The following CCDC50 variants were observed in gnomAD, a reference collection of about 807,000 sequenced individuals.
CCDC50 encodes coiled-coil domain containing 50.
Under a neutral mutation model 70.2 loss-of-function variants are expected in CCDC50, and 54 were observed. The observed-to-expected ratio is 0.77, with a 90% CI of 0.62 to 0.96. The LOEUF is 0.96. Among genes scored for constraint, CCDC50 ranks in the 50% least tolerant of loss-of-function variants. The pLI is 0.00. For synonymous variants in CCDC50, 216 were observed against 198.8 expected (o/e 1.09, Z -0.73); for missense variants, 558 against 578.7 (o/e 0.96, Z 0.37).
intron 10 of CCDC50, among the ~76,000 whole-genome samples, chr3:191,385,437 T>C (rs1483589657): frequency 1.3e-5 from 2 of 152,214 alleles, no homozygotes; most frequent in African/African-American, 4.8e-5. Flanking sequence ...TTCATGTTTT[T>C]TGGCTGCTTG....
At chr3:191,357,303 G>A (rs1560161550) in intron 2 of CCDC50, among the ~76,000 whole-genome samples, 153 bp downstream of exon 2, 3 of 152,114 alleles carry the variant, frequency 2.0e-5, no homozygotes, top group Non-Finnish European at 4.4e-5. Flanking sequence ...ATGATGCCTG[G>A]GTGATCAGTG....
chr3:191,377,671 C>CT (rs1713163122), intron 6 of CCDC50, among the ~76,000 whole-genome samples: 1 of 152,130 alleles, frequency 6.6e-6, no homozygotes, highest in African/African-American at 2.4e-5. Context: ...CAAAAAGAAT[C>CT]TATCATTTTA....
chr3:191,373,173 A>G (rs1026011692), intron 5 of CCDC50, among the ~76,000 whole-genome samples: 3 of 151,996 alleles, frequency 2.0e-5, no homozygotes, highest in African/African-American at 7.2e-5. Context: ...ATATTTGCCA[A>G]ATAACTTGGT....
intron 1 of CCDC50, among the ~76,000 whole-genome samples, chr3:191,343,203 C>G (rs1363116921): frequency 2.0e-5 from 3 of 152,028 alleles, no homozygotes; most frequent in Non-Finnish European, 4.4e-5. Context: ...TCACGTATAC[C>G]CAGGGATGAC....
chr3:191,353,167 A>G (rs765845708), intron 1 of CCDC50, among the ~76,000 whole-genome samples: 3 of 142,212 alleles, frequency 2.1e-5, no homozygotes, highest in Non-Finnish European at 4.8e-5. Context: ...TTAATGTTCA[A>G]AAGAGACTTA....
rs1713831602 is a variant in CCDC50, at chr3:191,395,444, A to AT, written c.*3690dup. 6.6e-6 allele frequency: 1 copy of AT among 152,142 alleles called. No individual in the cohort carries two copies. The highest frequency in any genetic ancestry group is 2.1e-4 in the South Asian group (1 of 4,830). 9.4% of individuals were successfully genotyped at this position (152,142 alleles called of 1,614,324 possible). A position where few individuals can be genotyped will look rare whatever the true frequency, so the allele number is the denominator to read the frequency against. The stretch of plus-strand genomic sequence containing the variant: ...AAGTGGTTAACATTTTAAGTCCTAG[A>AT]TTTTTTATGTCTTGCCTTTGTATAA... On this transcript the variant is annotated 3_prime_UTR_variant, in exon 12 of 12. Coordinates refer to ENST00000392455, the MANE Select transcript of CCDC50 (RefSeq NM_178335.3).
intron 5 of CCDC50, among the ~76,000 whole-genome samples, chr3:191,370,487 T>G (rs905740954): frequency 1.7e-4 from 13 of 74,870 alleles, no homozygotes; most frequent in Non-Finnish European, 2.9e-4. Flanking sequence ...TGTTTTTTTG[T>G]TTTTTTTTTT....
At chr3:191,364,129 C>T (rs895814075) in intron 4 of CCDC50, among the ~76,000 whole-genome samples, 10 of 150,894 alleles carry the variant, frequency 6.6e-5, no homozygotes, top group Admixed American at 2.6e-4. Flanking sequence ...AGTATAGTGG[C>T]GCAATCTTCG....
chr3:191,348,056 T>C lies in CCDC50; in HGVS notation c.50-9032T>C, dbSNP rs1262201616. Among the ~76,000 whole-genome samples the C allele has an allele frequency of 2.1e-5, 3 of 142,284 alleles. 1 individual carries two copies. Among genetic ancestry groups the C allele is most frequent in the African/African-American group, 7.5e-5 (3 of 39,822 alleles). 93.3% of individuals were successfully genotyped at this position (142,284 alleles called of 152,430 possible). ...ACATGAGTAAAAATTTTTAATGATA[T>C]AATTAGTGCTACAGTTCTATCCTGT... On this transcript the variant is annotated intron_variant, in intron 1 of 11. Coordinates refer to ENST00000392455, the MANE Select transcript of CCDC50 (RefSeq NM_178335.3).
At chr3:191,386,512 A>T (rs1424870681) in intron 10 of CCDC50, among the ~76,000 whole-genome samples, 1 of 152,138 alleles carries the variant, frequency 6.6e-6, no homozygotes, top group Non-Finnish European at 1.5e-5. Context: ...GGCGTGAGCC[A>T]CCGCGCCTGA....
intron 3 of CCDC50, among the ~76,000 whole-genome samples, chr3:191,359,602 A>C (rs1023944044): frequency 6.6e-6 from 1 of 152,142 alleles, no homozygotes; most frequent in Non-Finnish European, 1.5e-5. Context: ...TGGTCAAATT[A>C]AGAGATGGTG....
At chr3:191,347,701 G>A (rs984859078) in intron 1 of CCDC50, among the ~76,000 whole-genome samples, 1 of 141,610 alleles carries the variant, frequency 7.1e-6, no homozygotes, top group South Asian at 2.2e-4. Flanking sequence ...ATCCTATTAG[G>A]CAACATATCC....
At chr3:191,335,839 G>T (rs779308967) in intron 1 of CCDC50, among the ~76,000 whole-genome samples, 1 of 151,952 alleles carries the variant, frequency 6.6e-6, no homozygotes, top group Non-Finnish European at 1.5e-5. Context: ...TTAGTGTGTA[G>T]TTCTGAGTTT....
chr3:191,370,379 A>G (rs1712864717), intron 5 of CCDC50: 1 of 259,392 alleles, frequency 3.9e-6, no homozygotes, highest in Non-Finnish European at 7.1e-6. Context: ...CCCACCCCAC[A>G]ACAGGCCCCG....
chr3:191,386,487 A>T (rs1223483630), intron 10 of CCDC50, among the ~76,000 whole-genome samples: 1 of 152,108 alleles, frequency 6.6e-6, no homozygotes, highest in Non-Finnish European at 1.5e-5. Flanking sequence ...GGCCTCTCAA[A>T]GTGCTGCGAT....
intron 9 of CCDC50, among the ~76,000 whole-genome samples, chr3:191,381,315 T>G (rs963605801): frequency 2.0e-5 from 3 of 152,178 alleles, no homozygotes; most frequent in African/African-American, 7.2e-5. Context: ...TGTGCTTACA[T>G]TATCTTTCAT....
intron 9 of CCDC50, among the ~76,000 whole-genome samples, chr3:191,381,470 G>A (rs1037864124): frequency 1.1e-4 from 17 of 152,010 alleles, no homozygotes; most frequent in African/African-American, 2.9e-4. Context: ...CTTTCCCCTC[G>A]TTGATCAGAA....
rs530710352 is a variant in CCDC50, at chr3:191,395,784, G to C, written c.*4024G>C. The C allele has an allele frequency of 6.6e-6, 1 of 152,130 alleles. No homozygotes were observed. The highest frequency in any genetic ancestry group is 1.5e-5 in the Non-Finnish European group (1 of 68,006). 9.4% of individuals were successfully genotyped at this position (152,130 alleles called of 1,614,324 possible). A position where few individuals can be genotyped will look rare whatever the true frequency, so the allele number is the denominator to read the frequency against. On this transcript the variant is annotated 3_prime_UTR_variant, in exon 12 of 12. Coordinates refer to ENST00000392455, the MANE Select transcript of CCDC50 (RefSeq NM_178335.3). ...GGAAAAAAGATTTTTAAATTACTTT[G>C]TCTATTACTTACTGCTCATAGAGAA...
rs377746775 is a variant in CCDC50, at chr3:191,373,532, G to A, written c.449-1530G>A. Among the ~76,000 whole-genome samples, 7 of 152,056 alleles carry A rather than the reference G, an allele frequency of 4.6e-5. No individual in the cohort carries two copies. The East Asian group carries it at 9.6e-4, about 21-fold the overall frequency. ...GAGTGAGCACATTTTTATTAACACC[G>A]TAAACCATTGTTCCCCGGATGTGGT... is the stretch of plus-strand genomic sequence containing the variant. On this transcript the variant is annotated intron_variant, in intron 5 of 11. Transcript: ENST00000392455.
Sources: gnomAD v4.1 joint callset for allele counts (sites outside exome capture counted in the v4.1 genomes callset) on GRCh38, gnomAD v4.1.1 for gene constraint, MANE v1.5 for transcripts, NCBI Gene and HGNC (gene_info 2026-07-23, HGNC 2026-07-21) for gene names.